ZBTB7C: variants seen among roughly 807,000 people sequenced by gnomAD.
ZBTB7C encodes the protein zinc finger and BTB domain-containing protein 7C.
In ZBTB7C, 8 loss-of-function variants were observed where a neutral mutation model predicts 25.7. The ratio of observed to expected loss-of-function variants is 0.31; its 90% CI spans 0.18 to 0.56. The LOEUF is 0.56. Among genes scored for constraint, ZBTB7C ranks in the 20% least tolerant of loss-of-function variants. The pLI, the probability that ZBTB7C is intolerant of heterozygous loss-of-function variation, is 0.91. For synonymous variants in ZBTB7C, 394 were observed against 369.0 expected, an observed-to-expected ratio of 1.07 and a Z score of -0.78; for missense variants, 824 against 855.2, an observed-to-expected ratio of 0.96 and a Z score of 0.46.
chr18:48,168,027 G>T (rs544091134), intron 3 of ZBTB7C, among the ~76,000 whole-genome samples: 1 of 152,324 alleles, frequency 6.6e-6, no homozygotes, highest in South Asian at 2.1e-4. Flanking sequence ...AAGTCCGCAT[G>T]CTTTGATTTG....
chr18:48,178,191 T>A (rs1204328040), intron 3 of ZBTB7C, among the ~76,000 whole-genome samples: 1 of 152,228 alleles, frequency 6.6e-6, no homozygotes, highest in African/African-American at 2.4e-5. Flanking sequence ...GCCACCTGTT[T>A]CCTGCCATGC....
chr18:48,193,214 C>A (rs1296331173), intron 2 of ZBTB7C, among the ~76,000 whole-genome samples: 1 of 152,178 alleles, frequency 6.6e-6, no homozygotes, highest in African/African-American at 2.4e-5. Context: ...CCCCAGCAAC[C>A]CGGGCACCTC....
chr18:48,399,000 G>A (rs2048094988), intron 1 of ZBTB7C, among the ~76,000 whole-genome samples: 1 of 152,214 alleles, frequency 6.6e-6, no homozygotes, highest in African/African-American at 2.4e-5. Flanking sequence ...ACTGGGTATT[G>A]TATCAGCAAA....
intron 3 of ZBTB7C, among the ~76,000 whole-genome samples, chr18:48,092,877 A>G (rs2038471039): frequency 6.6e-6 from 1 of 152,224 alleles, no homozygotes; most frequent in Non-Finnish European, 1.5e-5. Context: ...TTATCGGTAG[A>G]TAAAGGCTGA....
Position 48,028,374 on chromosome 18 carries a change from TG to T in ZBTB7C, c.*885del, listed in dbSNP as rs1438648571. On this transcript the variant is annotated 3_prime_UTR_variant, in exon 5 of 5. Coordinates refer to ENST00000590800, the MANE Select transcript of ZBTB7C (RefSeq NM_001318841.2). ...AGTTCGCAGAGCTACCTGTGGGCTT[TG>T]CTGAAGCTCGGAAGCTCCCCTGATG... 6.6e-6 allele frequency: 1 copy of T among 152,224 alleles called. No homozygotes were observed. Among genetic ancestry groups the T allele is most frequent in the East Asian group, 1.9e-4 (1 of 5,192 alleles). 9.4% of individuals were successfully genotyped at this position (152,224 alleles called of 1,614,324 possible).
intron 3 of ZBTB7C, among the ~76,000 whole-genome samples, chr18:48,044,583 C>T (rs555732640): frequency 2.0e-5 from 3 of 152,362 alleles, no homozygotes; most frequent in African/African-American, 7.2e-5. Flanking sequence ...AAGTCTGAGC[C>T]ACATTTAGTT....
chr18:48,315,977 C>G (rs1321354581), intron 2 of ZBTB7C, among the ~76,000 whole-genome samples: 1 of 152,166 alleles, frequency 6.6e-6, no homozygotes, highest in African/African-American at 2.4e-5. Context: ...ACTGTCCTCA[C>G]TCCTCTTGTC....
chr18:48,395,267 G>A (rs1382933962), intron 1 of ZBTB7C, among the ~76,000 whole-genome samples: 15 of 3,662 alleles, frequency 4.1e-3, no homozygotes, highest in African/African-American at 0.015. Context: ...GAGAGAGAAT[G>A]TGTGTGTGTG....
intron 2 of ZBTB7C, among the ~76,000 whole-genome samples, chr18:48,309,785 A>C (rs760133956): frequency 6.6e-6 from 1 of 152,248 alleles, no homozygotes; most frequent in Admixed American, 6.5e-5. Context: ...TTTCAGACCC[A>C]AGATCTGAAT....
In ZBTB7C at chr18:48,042,084, A is replaced by C. The variant is rs147883528; in HGVS notation, c.-16-961T>G. On this transcript the variant is annotated intron_variant, in intron 3 of 4. Transcript: ENST00000590800. ...GAAGCACAGCTCACAGCCCAGGTGA[A>C]CACAGTCAACTGGGACAAAATGTGG... is the stretch of plus-strand genomic sequence containing the variant. Among the ~76,000 whole-genome samples the C allele has an allele frequency of 6.7e-3, 1,026 of 152,322 alleles. 14 individuals carry two copies. Among genetic ancestry groups the C allele is most frequent in the African/African-American group, 0.024 (983 of 41,552 alleles).
intron 3 of ZBTB7C, among the ~76,000 whole-genome samples, chr18:48,177,133 A>G (rs1216458061): frequency 6.6e-6 from 1 of 152,232 alleles, no homozygotes; most frequent in Non-Finnish European, 1.5e-5. Context: ...AGCTGTCTAC[A>G]TTTCCAAGAG....
At chr18:48,264,893 A>G (rs1185696059) in intron 2 of ZBTB7C, among the ~76,000 whole-genome samples, 1 of 152,210 alleles carries the variant, frequency 6.6e-6, no homozygotes, top group African/African-American at 2.4e-5. Context: ...AAGTGGAAGG[A>G]CAGGGGTCCC....
At chr18:48,104,735 G>A (rs964539618) in intron 3 of ZBTB7C, among the ~76,000 whole-genome samples, 2 of 152,154 alleles carry the variant, frequency 1.3e-5, no homozygotes, top group Non-Finnish European at 2.9e-5. Flanking sequence ...GCCCTCCTAA[G>A]CCAGACTCTC....
intron 2 of ZBTB7C, among the ~76,000 whole-genome samples, chr18:48,278,442 T>TC (rs931758955): frequency 2.0e-5 from 3 of 150,620 alleles, no homozygotes; most frequent in Non-Finnish European, 4.4e-5. Flanking sequence ...TTCTTTTTTT[T>TC]CTTTTTTTTT....
intron 2 of ZBTB7C, among the ~76,000 whole-genome samples, chr18:48,228,712 G>A (rs2043168726): frequency 6.7e-6 from 1 of 148,366 alleles, no homozygotes. Flanking sequence ...TTTCAGCTCA[G>A]AGGGAGTCTC....
At chr18:48,084,617 C>T (rs2038119677) in intron 3 of ZBTB7C, among the ~76,000 whole-genome samples, 2 of 152,170 alleles carry the variant, frequency 1.3e-5, no homozygotes, top group South Asian at 2.1e-4. Flanking sequence ...ATCACCCCTA[C>T]CCTGGCCCCC....
At chr18:48,079,229 A>T (rs1164756843) in intron 3 of ZBTB7C, among the ~76,000 whole-genome samples, 1 of 152,236 alleles carries the variant, frequency 6.6e-6, no homozygotes, top group Admixed American at 6.5e-5. Flanking sequence ...CCAGATGCCA[A>T]GGGGCCAGTG....
intron 2 of ZBTB7C, among the ~76,000 whole-genome samples, chr18:48,280,229 A>G (rs1186787935): frequency 1.3e-5 from 2 of 152,082 alleles, no homozygotes; most frequent in Non-Finnish European, 2.9e-5. Context: ...GGCTGGAGAA[A>G]GTGGGAGCAC....
intron 3 of ZBTB7C, among the ~76,000 whole-genome samples, chr18:48,183,222 A>C (rs2041972477): frequency 6.6e-6 from 1 of 152,180 alleles, no homozygotes; most frequent in South Asian, 2.1e-4. Flanking sequence ...GCTGACTCTA[A>C]AGACCCAAGA....
Sources: gnomAD v4.1 joint callset for allele counts (sites outside exome capture counted in the v4.1 genomes callset) on GRCh38, gnomAD v4.1.1 for gene constraint, MANE v1.5 for transcripts, NCBI Gene and HGNC (gene_info 2026-07-23, HGNC 2026-07-21) for gene names.